Variants in GRIP1 observed in about 807,000 individuals in gnomAD.
The protein encoded by GRIP1 is glutamate receptor-interacting protein 1.
GRIP1 carries 45 observed loss-of-function variants against 129.9 expected under a neutral mutation model. The observed-to-expected ratio is 0.35, with a 90% CI of 0.27 to 0.44. The LOEUF (loss-of-function observed/expected upper bound fraction) is 0.44. Among genes scored for constraint, GRIP1 ranks in the 20% least tolerant of loss-of-function variants. The pLI is 1.00. For synonymous variants in GRIP1, 530 were observed against 520.8 expected (o/e 1.02, Z -0.24); for missense variants, 1,196 against 1,396.8 (o/e 0.86, Z 2.29).
At chr12:66,864,498 T>C (rs1334538934) in intron 1 of GRIP1, among the ~76,000 whole-genome samples, 2 of 152,030 alleles carry the variant, frequency 1.3e-5, no homozygotes, top group Non-Finnish European at 2.9e-5. Flanking sequence ...GTAGGATTGC[T>C]TGAGCCTGTA....
intron 1 of GRIP1, among the ~76,000 whole-genome samples, chr12:66,788,795 G>C (rs1186136212): frequency 1.3e-5 from 2 of 152,104 alleles, no homozygotes; most frequent in Non-Finnish European, 2.9e-5. Flanking sequence ...AGAGATGATT[G>C]TAGCCCCAGC....
chr12:66,791,146 A>G (rs1472565805), intron 1 of GRIP1, among the ~76,000 whole-genome samples: 1 of 152,204 alleles, frequency 6.6e-6, no homozygotes, highest in Non-Finnish European at 1.5e-5. Context: ...GCATCGCTCA[A>G]TCACTCTAAG....
intron 1 of GRIP1, among the ~76,000 whole-genome samples, chr12:66,946,630 C>G (rs1265729986): frequency 2.0e-5 from 3 of 151,874 alleles, no homozygotes; most frequent in Admixed American, 6.6e-5. Context: ...GCCAGAGCTT[C>G]TGTGTCAGTA....
chr12:66,838,170 C>T (rs2039650654), intron 1 of GRIP1, among the ~76,000 whole-genome samples: 1 of 128,250 alleles, frequency 7.8e-6, no homozygotes, highest in Non-Finnish European at 1.6e-5. Context: ...GGGCAGGTGA[C>T]AGAGAAAGAC....
At chr12:66,623,837 T>G (rs1467751353) in intron 1 of GRIP1, among the ~76,000 whole-genome samples, 1 of 152,210 alleles carries the variant, frequency 6.6e-6, no homozygotes, top group Non-Finnish European at 1.5e-5. Context: ...CTACTTAAAA[T>G]GACCATAGGA....
chr12:66,415,031 C>A (rs1401117266), intron 15 of GRIP1, among the ~76,000 whole-genome samples: 1 of 148,530 alleles, frequency 6.7e-6, no homozygotes, highest in Non-Finnish European at 1.5e-5. Flanking sequence ...TATAAAAACC[C>A]TAGAAGAAAA....
intron 1 of GRIP1, among the ~76,000 whole-genome samples, chr12:66,606,320 C>T (rs1033294157): frequency 3.3e-5 from 5 of 152,044 alleles, no homozygotes; most frequent in African/African-American, 4.8e-5. Context: ...ATAAGTTACA[C>T]GAAGAAAAAT....
intron 1 of GRIP1, among the ~76,000 whole-genome samples, chr12:66,867,834 C>T (rs1378367803): frequency 6.6e-6 from 1 of 152,022 alleles, no homozygotes; most frequent in East Asian, 1.9e-4. Flanking sequence ...TCATATACGA[C>T]GGGTACTCAG....
At chr12:67,020,577 A>G (rs894295844) in intron 1 of GRIP1, among the ~76,000 whole-genome samples, 1 of 151,918 alleles carries the variant, frequency 6.6e-6, no homozygotes, top group African/African-American at 2.4e-5. Flanking sequence ...AAATTTTTTA[A>G]AATGTTTTGT....
At chr12:66,929,427 C>T (rs2041350363) in intron 1 of GRIP1, among the ~76,000 whole-genome samples, 1 of 152,196 alleles carries the variant, frequency 6.6e-6, no homozygotes. Flanking sequence ...CATATTCATT[C>T]CCCTGTATAT....
At chr12:66,432,713 A>G in intron 13 of GRIP1, 85 bp from the exon 14 acceptor site, 3 of 773,546 alleles carry the variant, frequency 3.9e-6, no homozygotes, top group Middle Eastern at 5.0e-4. Context: ...GAATACTTGT[A>G]TCATAATCAT....
At chr12:66,586,949 C>CTA (rs1348065179) in intron 2 of GRIP1, among the ~76,000 whole-genome samples, 1 of 151,996 alleles carries the variant, frequency 6.6e-6, no homozygotes, top group African/African-American at 2.4e-5. Flanking sequence ...ATACATTAAC[C>CTA]CCTACAATGG....
chr12:66,982,421 A>C (rs1271458300), intron 1 of GRIP1, among the ~76,000 whole-genome samples: 2 of 152,190 alleles, frequency 1.3e-5, no homozygotes, highest in Non-Finnish European at 1.5e-5. Context: ...TGACACCTAT[A>C]ACAAATAGAA....
At chr12:66,968,079 G>C (rs1323424133) in intron 1 of GRIP1, among the ~76,000 whole-genome samples, 2 of 152,146 alleles carry the variant, frequency 1.3e-5, no homozygotes, top group Non-Finnish European at 2.9e-5. Flanking sequence ...TTTTGAAATT[G>C]TGCCTCTTTG....
intron 2 of GRIP1, among the ~76,000 whole-genome samples, chr12:66,575,056 G>C (rs546594787): frequency 2.3e-4 from 35 of 152,202 alleles, no homozygotes; most frequent in African/African-American, 8.4e-4. Flanking sequence ...ACAGGCATTA[G>C]CCACCGTGCC....
intron 1 of GRIP1, among the ~76,000 whole-genome samples, chr12:66,793,404 T>C (rs1195739346): frequency 1.3e-5 from 2 of 152,104 alleles, no homozygotes; most frequent in Non-Finnish European, 2.9e-5. Context: ...CCAGTCCAAG[T>C]ATGCTGTGAA....
chr12:66,574,885 A>G (rs12426683), intron 2 of GRIP1, among the ~76,000 whole-genome samples: 36,553 of 149,950 alleles, frequency 0.24, 4,585 homozygotes, highest in Admixed American at 0.28. Context: ...AGCGATTCTT[A>G]TGCCTCATCT....
chr12:66,411,990 C>A (rs1242451361), intron 15 of GRIP1, among the ~76,000 whole-genome samples: 2 of 151,974 alleles, frequency 1.3e-5, no homozygotes, highest in African/African-American at 4.8e-5. Context: ...GTAAAAAGAC[C>A]AAATCTATGA....
In GRIP1 at chr12:66,909,091, T is replaced by G. The variant is rs558807448; in HGVS notation, c.58+159959A>C. Among the ~76,000 whole-genome samples, 22 of 152,368 alleles carry G rather than the reference T, an allele frequency of 1.4e-4. No individual in the cohort carries two copies. The South Asian group carries it at 4.3e-3, about 30-fold the overall frequency. The stretch of plus-strand genomic sequence containing the variant: ...ACCATTTATTACTTATTTTAAATTT[T>G]TTCTTGCTAATTCACTGTTTTTAAT... On this transcript the variant is annotated intron_variant, in intron 1 of 1. Coordinates refer to the GRIP1 transcript ENST00000643019.
Sources: gnomAD v4.1 joint callset for allele counts (sites outside exome capture counted in the v4.1 genomes callset) on GRCh38, gnomAD v4.1.1 for gene constraint, MANE v1.5 for transcripts, NCBI Gene and HGNC (gene_info 2026-07-23, HGNC 2026-07-21) for gene names.